Variants in KLF12 observed in about 807,000 individuals in gnomAD.
The protein encoded by KLF12 is KLF transcription factor 12, also known as Krueppel-like factor 12.
In KLF12, 9 loss-of-function variants were observed where a neutral mutation model predicts 37.8. The ratio of observed to expected loss-of-function variants is 0.24; its 90% CI spans 0.14 to 0.42. KLF12 has a LOEUF of 0.42. Ranked by LOEUF, KLF12 falls within the 10% of genes least tolerant of loss-of-function variation. The probability of loss-of-function intolerance (pLI) is 1.00; values close to 1 mark genes in which losing one functional copy is unlikely to be tolerated. For synonymous variants in KLF12, 208 were observed against 202.1 expected, an observed-to-expected ratio of 1.03 and a Z score of -0.25; for missense variants, 411 against 516.0, an observed-to-expected ratio of 0.80 and a Z score of 1.97.
the KLF12 span, among the ~76,000 whole-genome samples, chr13:74,229,103 C>T: frequency 6.6e-6 from 1 of 151,976 alleles, no homozygotes; most frequent in Non-Finnish European, 1.5e-5. Flanking sequence ...GGAAACATGC[C>T]CTTTTAGAGT....
At chr13:73,732,733 T>C (rs747855344) in intron 6 of KLF12, among the ~76,000 whole-genome samples, 4 of 152,150 alleles carry the variant, frequency 2.6e-5, no homozygotes, top group Non-Finnish European at 5.9e-5. Flanking sequence ...TATACCTTTT[T>C]GTATGTCACT....
chr13:74,226,376 T>C, the KLF12 span, among the ~76,000 whole-genome samples: 15 of 152,252 alleles, frequency 9.9e-5, no homozygotes, highest in South Asian at 1.2e-3. Flanking sequence ...CTTGGGAGAC[T>C]GAATGAATCT....
intron 4 of KLF12, among the ~76,000 whole-genome samples, chr13:73,815,537 T>C (rs931002239): frequency 6.6e-6 from 1 of 152,178 alleles, no homozygotes; most frequent in Non-Finnish European, 1.5e-5. Flanking sequence ...TCTAGAATGA[T>C]TCATTTAACA....
chr13:74,187,228 G>T, the KLF12 span, among the ~76,000 whole-genome samples: 1 of 152,100 alleles, frequency 6.6e-6, no homozygotes, highest in Non-Finnish European at 1.5e-5. Flanking sequence ...GGAGGCAGAG[G>T]TGAGACGATC....
chr13:74,037,507 G>A (rs902180334), intron 1 of KLF12, among the ~76,000 whole-genome samples: 12 of 152,132 alleles, frequency 7.9e-5, no homozygotes, highest in African/African-American at 1.7e-4. Context: ...AATTCATTGC[G>A]TATGAGCCTG....
chr13:74,246,567 C>T, the KLF12 span, among the ~76,000 whole-genome samples: 2 of 152,196 alleles, frequency 1.3e-5, no homozygotes, highest in African/African-American at 4.8e-5. Context: ...AGCTTACTGG[C>T]TTGGTGGGTG....
At chr13:73,861,277 C>T (rs1252455724) in intron 3 of KLF12, among the ~76,000 whole-genome samples, 1 of 152,136 alleles carries the variant, frequency 6.6e-6, no homozygotes, top group African/African-American at 2.4e-5. Flanking sequence ...CAATAAAAAA[C>T]CCCTGCTAAC....
chr13:74,032,347 T>C (rs1379810688), intron 1 of KLF12, among the ~76,000 whole-genome samples: 4 of 152,122 alleles, frequency 2.6e-5, no homozygotes, highest in African/African-American at 9.7e-5. Context: ...TCTAGATACA[T>C]TTATGTAGCC....
intron 7 of KLF12, among the ~76,000 whole-genome samples, chr13:73,703,928 G>C (rs1254440561): frequency 6.6e-6 from 1 of 152,158 alleles, no homozygotes; most frequent in Non-Finnish European, 1.5e-5. Flanking sequence ...TTCTCACCCA[G>C]AAATCCGATA....
chr13:73,741,347 A>G (rs1877966401), intron 6 of KLF12, among the ~76,000 whole-genome samples: 1 of 152,178 alleles, frequency 6.6e-6, no homozygotes, highest in Non-Finnish European at 1.5e-5. Context: ...GGAGAGCTAC[A>G]CCAACAATGC....
At position 73,689,960 on chromosome 13, in the gene KLF12, ATAAACT is replaced by A. The variant is rs1326302123; in HGVS notation, c.*5524_*5529del. 3 of 152,230 alleles carry A rather than the reference ATAAACT, an allele frequency of 2.0e-5. No homozygotes were observed. The highest frequency in any genetic ancestry group is 2.4e-5 in the African/African-American group (1 of 41,452). The allele number at this position is 152,230 out of a possible 1,614,324, so 9.4% of individuals were successfully genotyped here. On this transcript the variant is annotated 3_prime_UTR_variant, in exon 8 of 8. Transcript: ENST00000377669. Reference sequence around the variant, plus strand: ...CCATATGCAATAGTGTTCACTGAAGATAAACTTAATGTTCAGATTTGTGTTCTTAAC... The same window carrying A: ...CCATATGCAATAGTGTTCACTGAAGATAATGTTCAGATTTGTGTTCTTAAC...
chr13:74,007,724 G>T (rs1247059386), intron 1 of KLF12, among the ~76,000 whole-genome samples: 3 of 151,980 alleles, frequency 2.0e-5, no homozygotes, highest in African/African-American at 7.3e-5. Flanking sequence ...AAAATATGAA[G>T]AATAGTCACA....
chr13:74,233,981 T>TTCTA, the KLF12 span, among the ~76,000 whole-genome samples: 1 of 152,112 alleles, frequency 6.6e-6, no homozygotes, highest in African/African-American at 2.4e-5. Flanking sequence ...TATCTACAAG[T>TTCTA]TCTATATGAA....
At chr13:74,062,256 C>A (rs1416415343) in intron 1 of KLF12, among the ~76,000 whole-genome samples, 1 of 152,164 alleles carries the variant, frequency 6.6e-6, no homozygotes, top group Non-Finnish European at 1.5e-5. Context: ...ATCAGTGAAG[C>A]TCAAAATGAG....
At chr13:74,305,456 G>A in the KLF12 span, among the ~76,000 whole-genome samples, 2 of 151,930 alleles carry the variant, frequency 1.3e-5, no homozygotes, top group South Asian at 4.2e-4. Context: ...TTTTAAAATT[G>A]TTTTTAACTT....
chr13:73,747,477 G>A (rs1251991121), intron 6 of KLF12, among the ~76,000 whole-genome samples: 1 of 152,178 alleles, frequency 6.6e-6, no homozygotes, highest in Non-Finnish European at 1.5e-5. Context: ...TTGGGGAATT[G>A]AGTTAACCTA....
rs371400583 is a variant in KLF12, at chr13:73,813,181, C to T, written c.777G>A (p.Thr259=). The T allele has an allele frequency of 1.5e-5, 25 of 1,613,806 alleles. No homozygotes were observed. The highest frequency in any genetic ancestry group is 2.2e-5 in the East Asian group (1 of 44,882). Residue 259 remains threonine (T), a synonymous_variant, in exon 5 of 8, where the codon ACG becomes ACA. Coordinates refer to ENST00000377669, the MANE Select transcript of KLF12 (RefSeq NM_007249.5). ...GTACTGCTCTGGCTATGGAAAGGGC[C>T]GTAGATCCAGTTTCATTAACGCTAT...
chr13:73,925,654 T>C (rs1455234918), intron 3 of KLF12, among the ~76,000 whole-genome samples: 1 of 152,214 alleles, frequency 6.6e-6, no homozygotes, highest in Non-Finnish European at 1.5e-5. Flanking sequence ...TAAAGAAATA[T>C]ATTTCATACA....
chr13:73,741,889 A>T (rs896720673), intron 6 of KLF12, among the ~76,000 whole-genome samples: 1 of 152,228 alleles, frequency 6.6e-6, no homozygotes, highest in Non-Finnish European at 1.5e-5. Flanking sequence ...AGAGTGTAGC[A>T]CTAAGCTCGG....
Sources: allele counts gnomAD v4.1 joint callset (sites outside exome capture counted in the v4.1 genomes callset), GRCh38; gene constraint gnomAD v4.1.1; transcripts MANE v1.5; gene names NCBI Gene and HGNC (gene_info 2026-07-23, HGNC 2026-07-21).